The following ARHGEF10 variants were observed in gnomAD, a reference collection of about 807,000 sequenced individuals.
The protein encoded by ARHGEF10 is Rho guanine nucleotide exchange factor 10, also known as Rho guanine nucleotide exchange factor (GEF) 10.
A neutral mutation model predicts 147.4 loss-of-function variants in ARHGEF10; 140 were observed. The ratio of observed to expected loss-of-function variants is 0.95; its 90% confidence interval spans 0.83 to 1.09. The LOEUF (loss-of-function observed/expected upper bound fraction) is 1.09. Ranked by LOEUF, ARHGEF10 falls within the 50% of genes least tolerant of loss-of-function variation. ARHGEF10 has a pLI of 0.00. For missense variants in ARHGEF10, 2,222 were observed against 1,752.7 expected (o/e 1.27, Z -4.78); for synonymous variants, 902 against 695.8 (o/e 1.30, Z -4.67).
In ARHGEF10 at chr8:1,880,121, G is replaced by C. The variant is rs746293800; in HGVS notation, c.917G>C (p.Gly306Ala). The C allele has an allele frequency of 1.2e-6, 2 of 1,614,110 alleles. No homozygotes were observed. Among genetic ancestry groups the C allele is most frequent in the South Asian group, 2.2e-5 (2 of 91,084 alleles). ...KMRDLMASTV[G>A]VVEIQQLRQK... ...AGAGATTTGATGGCAAGCACGGTGG[G>C]CGTGGTGGAGATTCAGCAGCTCAGG... The change falls in exon 9 of 29, where the codon GGC becomes GCC. Residue 306 changes from glycine (G) to alanine (A), a missense_variant. Coordinates refer to ENST00000349830, the MANE Select transcript of ARHGEF10 (RefSeq NM_014629.4).
At chr8:1,953,905 A>G (rs562295592) in intron 28 of ARHGEF10, among the ~76,000 whole-genome samples, 25 of 152,256 alleles carry the variant, frequency 1.6e-4, no homozygotes, top group African/African-American at 5.5e-4. Flanking sequence ...TACGGGCTCC[A>G]TTTCTGTGAT....
At chr8:1,939,956 G>A (rs1483527903) in intron 26 of ARHGEF10, among the ~76,000 whole-genome samples, 1 of 152,214 alleles carries the variant, frequency 6.6e-6, no homozygotes, top group Admixed American at 6.5e-5. Flanking sequence ...AGCCATTGAA[G>A]GGTTTTCAGC....
intron 28 of ARHGEF10, 151 bp from the exon 29 acceptor site, chr8:1,956,598 C>T (rs575067495): frequency 2.2e-5 from 16 of 738,798 alleles, no homozygotes; most frequent in South Asian, 2.0e-4. Flanking sequence ...ATATTTTCAT[C>T]GTAGCTTATT....
At chr8:1,887,381 T>G (rs1297201061) in intron 11 of ARHGEF10, among the ~76,000 whole-genome samples, 1 of 151,960 alleles carries the variant, frequency 6.6e-6, no homozygotes, top group African/African-American at 2.4e-5. Flanking sequence ...GTGGGCAGGA[T>G]GCGGGGGTGA....
intron 26 of ARHGEF10, among the ~76,000 whole-genome samples, chr8:1,939,902 GTGTAGTT>G (rs962352530): frequency 3.3e-5 from 5 of 152,208 alleles, no homozygotes; most frequent in Admixed American, 2.0e-4. Context: ...GCACAGTTCT[GTGTAGTT>G]TTCTTTTAAA....
At chr8:1,907,646 T>G (rs1811008601) in intron 17 of ARHGEF10, among the ~76,000 whole-genome samples, 1 of 152,170 alleles carries the variant, frequency 6.6e-6, no homozygotes, top group Non-Finnish European at 1.5e-5. Flanking sequence ...AAAGATGAAT[T>G]AAAATGGATA....
In ARHGEF10 at chr8:1,934,093, G is replaced by C. The variant is rs145889439; in HGVS notation, c.3222+151G>C. The C allele has an allele frequency of 1.1e-4, 117 of 1,025,544 alleles. 1 individual carries two copies. The African/African-American group carries it at 1.8e-3, about 16-fold the overall frequency. The allele number at this position is 1,025,544 out of a possible 1,614,324, so 63.5% of individuals were successfully genotyped here. On this transcript the variant is annotated intron_variant, in intron 26 of 28. Coordinates refer to ENST00000349830, the MANE Select transcript of ARHGEF10 (RefSeq NM_014629.4). ...CTCATGCCTGTAATGCCAACACTCT[G>C]GGAGGCCAAGGTTGGAGGACTGTTT...
At chr8:1,951,890 A>G (rs1031585869) in intron 27 of ARHGEF10, among the ~76,000 whole-genome samples, 11 of 18,276 alleles carry the variant, frequency 6.0e-4, no homozygotes, top group Non-Finnish European at 1.2e-4. Flanking sequence ...CCACCCTGTA[A>G]CTGCAGTGAG....
At position 1,945,693 on chromosome 8, in the gene ARHGEF10, A is replaced by T. The variant is rs1483083289; in HGVS notation, c.3397+38A>T. On this transcript the variant is annotated intron_variant, in intron 27 of 28. Transcript: ENST00000349830. ...GACGGGGCCCAGGGATGGGACAGCA[A>T]CCGGGGACGGACGTGGGGGGTGCGG... 1.9e-6 allele frequency: 3 copies of T among 1,612,556 alleles called. No homozygotes were observed. In the African/African-American group the frequency reaches 4.0e-5, roughly 22 times the overall value.
chr8:1,909,422 G>A lies in ARHGEF10; in HGVS notation c.2095G>A (p.Ala699Thr), dbSNP rs370811198. The change falls in exon 18 of 29, where the codon GCC becomes ACC. Residue 699 changes from alanine (A) to threonine (T), a missense_variant. Ala to Thr is a moderately conservative substitution (Grantham distance 58). Transcript: ENST00000349830. Reference sequence around the variant, plus strand: ...CACGGGCGAGCACAGCAGGCACCTTGCCGTTCACCCGCCGGAGAGCCTGGC... The same window carrying A: ...CACGGGCGAGCACAGCAGGCACCTTACCGTTCACCCGCCGGAGAGCCTGGC... ...AGTGEHSRHL[A>T]VHPPESLAVV... The A allele has an allele frequency of 3.7e-6, 6 of 1,614,124 alleles. No individual in the cohort carries two copies. The highest frequency in any genetic ancestry group is 5.1e-6 in the Non-Finnish European group (6 of 1,180,034).
At chr8:1,832,382 GCAGAGGCAGAGA>G (rs1439398950) in intron 1 of ARHGEF10, among the ~76,000 whole-genome samples, 1 of 46,850 alleles carries the variant, frequency 2.1e-5, no homozygotes, top group African/African-American at 9.8e-5. Flanking sequence ...AGAGACAGAG[GCAGAGGCAGAGA>G]CAGAGAGAGG....
intron 7 of ARHGEF10, among the ~76,000 whole-genome samples, chr8:1,874,346 T>G (rs1363429019): frequency 6.6e-6 from 1 of 152,206 alleles, no homozygotes; most frequent in East Asian, 1.9e-4. Context: ...CCCAGGAGCC[T>G]TAACAAGGCA....
At chr8:1,942,071 A>C (rs933695877) in intron 26 of ARHGEF10, among the ~76,000 whole-genome samples, 5 of 152,056 alleles carry the variant, frequency 3.3e-5, no homozygotes, top group Admixed American at 6.5e-5. Context: ...GGTTTCTTAG[A>C]TCTGACACCT....
chr8:1,831,942 C>T lies in ARHGEF10; in HGVS notation c.-48+7829C>T, dbSNP rs568811455. Among the ~76,000 whole-genome samples the T allele has an allele frequency of 2.6e-5, 4 of 152,290 alleles. No individual in the cohort carries two copies. In the East Asian group the frequency reaches 7.7e-4, roughly 29 times the overall value. ...GGATGGGCTCCCTTCCCGCAGCTGC[C>T]TGTGGAAACCAGCACGTTGGCAGGA... On this transcript the variant is annotated intron_variant, in intron 1 of 28. Coordinates refer to ENST00000349830, the MANE Select transcript of ARHGEF10 (RefSeq NM_014629.4).
Position 1,824,049 on chromosome 8 carries a change from GGCGGGGAACA to G in ARHGEF10, c.-105_-96del, listed in dbSNP as rs1165622646. The stretch of plus-strand genomic sequence containing the variant: ...GGGACGGCGGGGAACAGCGGGGGAC[GGCGGGGAACA>G]GCGGGGGACGGCGGGGAACAGCAGG... On this transcript the variant is annotated 5_prime_UTR_variant, in exon 1 of 29. Coordinates refer to ENST00000349830, the MANE Select transcript of ARHGEF10 (RefSeq NM_014629.4). 6.7e-5 allele frequency: 10 copies of G among 148,218 alleles called. No individual in the cohort carries two copies. The highest frequency in any genetic ancestry group is 2.2e-4 in the African/African-American group (9 of 40,370). The allele number at this position is 148,218 out of a possible 1,614,324, so 9.2% of individuals were successfully genotyped here.
intron 28 of ARHGEF10, among the ~76,000 whole-genome samples, chr8:1,953,675 C>T (rs7386548): frequency 0.3 from 45,177 of 152,234 alleles, 7,557 homozygotes; most frequent in East Asian, 0.54. Flanking sequence ...TTCGTAATGA[C>T]GGATTGGGCC....
chr8:1,925,922 G>C (rs1159679006), intron 22 of ARHGEF10, among the ~76,000 whole-genome samples: 1 of 152,190 alleles, frequency 6.6e-6, no homozygotes, highest in Non-Finnish European at 1.5e-5. Flanking sequence ...AAATAAAGAT[G>C]TTTCTTCTCA....
intron 26 of ARHGEF10, among the ~76,000 whole-genome samples, chr8:1,936,303 T>A (rs1813599600): frequency 6.6e-6 from 1 of 152,134 alleles, no homozygotes; most frequent in African/African-American, 2.4e-5. Context: ...TCGCTTGAGC[T>A]CAAGAGTTCA....
chr8:1,853,435 C>T (rs1805300321), intron 2 of ARHGEF10, among the ~76,000 whole-genome samples: 1 of 152,240 alleles, frequency 6.6e-6, no homozygotes, highest in Admixed American at 6.5e-5. Flanking sequence ...CAAACTACAA[C>T]ACGTTGTATC....
Sources: gnomAD v4.1 joint callset for allele counts (sites outside exome capture counted in the v4.1 genomes callset) on GRCh38, gnomAD v4.1.1 for gene constraint, MANE v1.5 for transcripts, NCBI Gene and HGNC (gene_info 2026-07-23, HGNC 2026-07-21) for gene names.